The following GSDMC variants were observed in gnomAD, a reference collection of about 807,000 sequenced individuals.
GSDMC encodes the protein gasdermin-C.
In GSDMC, 59 loss-of-function variants were observed where a neutral mutation model predicts 58.0. That is an observed-to-expected ratio of 1.02 (90% CI 0.82 to 1.26). The LOEUF (loss-of-function observed/expected upper bound fraction) is 1.26, where lower values mean the gene tolerates loss of function less well. GSDMC is among the 50% of genes most tolerant of loss of function. The pLI is 0.00. For missense variants in GSDMC, 659 were observed against 598.5 expected (o/e 1.10, Z -1.06); for synonymous variants, 241 against 220.2 (o/e 1.09, Z -0.83).
the GSDMC span, among the ~76,000 whole-genome samples, chr8:129,736,003 T>C: frequency 6.6e-6 from 1 of 152,136 alleles, no homozygotes; most frequent in Non-Finnish European, 1.5e-5. Flanking sequence ...GAATACAAAC[T>C]ACCATCAGAG....
chr8:129,767,510 G>A (rs564967553), intron 3 of GSDMC, among the ~76,000 whole-genome samples: 35 of 150,864 alleles, frequency 2.3e-4, no homozygotes, highest in Non-Finnish European at 4.1e-4. Flanking sequence ...CAGCCTTGAA[G>A]CTCTGCCTGC....
intron 5 of GSDMC, among the ~76,000 whole-genome samples, chr8:129,762,388 C>T (rs1015983195): frequency 2.0e-5 from 3 of 152,146 alleles, no homozygotes; most frequent in African/African-American, 7.2e-5. Flanking sequence ...GATTATTTTC[C>T]ATGTACCAGA....
chr8:129,742,196 A>G, the GSDMC span, among the ~76,000 whole-genome samples: 3 of 152,056 alleles, frequency 2.0e-5, no homozygotes, highest in Non-Finnish European at 4.4e-5. Flanking sequence ...TTTCAATTAA[A>G]CAGAAGGAAT....
At chr8:129,785,073 T>A (rs920551949) in intron 1 of GSDMC, among the ~76,000 whole-genome samples, 1 of 152,040 alleles carries the variant, frequency 6.6e-6, no homozygotes, top group Non-Finnish European at 1.5e-5. Context: ...TAGCCAGGCA[T>A]GGTAGCGCAT....
chr8:129,769,104 G>T (rs2033966479), intron 3 of GSDMC, among the ~76,000 whole-genome samples: 1 of 151,978 alleles, frequency 6.6e-6, no homozygotes, highest in African/African-American at 2.4e-5. Flanking sequence ...GAGGAGAGGA[G>T]AGGAGAGGAG....
the GSDMC span, chr8:129,730,408 A>T: frequency 8.5e-7 from 1 of 1,174,490 alleles, no homozygotes; most frequent in South Asian, 1.5e-5. Context: ...TATGCTGATT[A>T]TGAATCTTTA....
the GSDMC span, among the ~76,000 whole-genome samples, chr8:129,733,325 G>C: frequency 6.6e-6 from 1 of 152,224 alleles, no homozygotes; most frequent in Admixed American, 6.5e-5. Flanking sequence ...TCCCGGCATG[G>C]TGCATGAGCT....
the GSDMC span, among the ~76,000 whole-genome samples, chr8:129,721,540 A>G: frequency 6.6e-6 from 1 of 152,206 alleles, no homozygotes; most frequent in Admixed American, 6.5e-5. Flanking sequence ...ATTCTAGTGT[A>G]TTAGCCCATG....
At chr8:129,730,177 G>C in the GSDMC span, 1 of 1,142,360 alleles carries the variant, frequency 8.8e-7, no homozygotes, top group Non-Finnish European at 1.2e-6. Flanking sequence ...AAAAAGTTAT[G>C]TGTAAAACTG....
At chr8:129,710,818 T>C in the GSDMC span, among the ~76,000 whole-genome samples, 1 of 152,218 alleles carries the variant, frequency 6.6e-6, no homozygotes, top group African/African-American at 2.4e-5. Context: ...CTTTGTGACC[T>C]GGCAGGAATT....
chr8:129,729,152 T>C, the GSDMC span: 1 of 665,590 alleles, frequency 1.5e-6, no homozygotes, highest in Non-Finnish European at 2.9e-6. Context: ...GGAGGCAATG[T>C]TGTTTACTTC....
Position 129,765,738 on chromosome 8 carries a change from T to C in GSDMC, c.460A>G (p.Asn154Asp). The C allele has an allele frequency of 6.2e-7, 1 of 1,613,536 alleles. No individual in the cohort carries two copies. Among genetic ancestry groups the C allele is most frequent in the Non-Finnish European group, 8.5e-7 (1 of 1,179,416 alleles). The change falls in exon 4 of 14, where the codon AAC becomes GAC. Residue 154 changes from asparagine to aspartate, a missense_variant. Physicochemically the swap from Asn to Asp is conservative, Grantham distance 23. Transcript: ENST00000276708. Reference sequence around the variant, plus strand: ...ACAGCCTCTGTCACCACGTACAGGTTGTCCCCTCTCCTCCGGCACTCCTTC... The same window carrying C: ...ACAGCCTCTGTCACCACGTACAGGTCGTCCCCTCTCCTCCGGCACTCCTTC... ...FLKECRRRGD[N>D]LYVVTEAVEL...
intron 1 of GSDMC, among the ~76,000 whole-genome samples, chr8:129,782,081 A>AGGGAAT (rs1327220885): frequency 2.0e-5 from 3 of 152,144 alleles, no homozygotes; most frequent in Admixed American, 6.5e-5. Flanking sequence ...GAAATTATAC[A>AGGGAAT]AACACATGGA....
At chr8:129,728,706 C>T in the GSDMC span, 2 of 403,948 alleles carry the variant, frequency 5.0e-6, no homozygotes, top group Non-Finnish European at 9.4e-6. Context: ...CAGCTCTTAC[C>T]TATAAGCACC....
At chr8:129,779,485 G>A (rs1156423281) in intron 1 of GSDMC, among the ~76,000 whole-genome samples, 2 of 152,106 alleles carry the variant, frequency 1.3e-5, no homozygotes, top group African/African-American at 4.8e-5. Flanking sequence ...GGAGGGAGAT[G>A]ATCAGGAAAA....
At chr8:129,754,810 A>G (rs2033362465) in intron 6 of GSDMC, among the ~76,000 whole-genome samples, 1 of 152,222 alleles carries the variant, frequency 6.6e-6, no homozygotes, top group South Asian at 2.1e-4. Flanking sequence ...TGAAAAATGC[A>G]GTTGACATAC....
chr8:129,727,713 C>T, the GSDMC span, among the ~76,000 whole-genome samples: 1 of 152,208 alleles, frequency 6.6e-6, no homozygotes, highest in Non-Finnish European at 1.5e-5. Context: ...GACCCGGTAG[C>T]ATGACTGCGC....
At chr8:129,784,360 A>G (rs2034497497) in intron 1 of GSDMC, among the ~76,000 whole-genome samples, 1 of 152,206 alleles carries the variant, frequency 6.6e-6, no homozygotes, top group African/African-American at 2.4e-5. Flanking sequence ...AGGGAATAAT[A>G]ACCAGAAAAT....
At chr8:129,733,366 G>T in the GSDMC span, among the ~76,000 whole-genome samples, 1 of 152,192 alleles carries the variant, frequency 6.6e-6, no homozygotes, top group East Asian at 1.9e-4. Context: ...TCCTCGAGTG[G>T]GTCCCTGACC....
Sources: allele counts gnomAD v4.1 joint callset (sites outside exome capture counted in the v4.1 genomes callset), GRCh38; gene constraint gnomAD v4.1.1; transcripts MANE v1.5; gene names NCBI Gene and HGNC (gene_info 2026-07-23, HGNC 2026-07-21).